GRM8: variants seen among roughly 807,000 people sequenced by gnomAD.
GRM8 encodes the protein glutamate metabotropic receptor 8.
A neutral mutation model predicts 87.2 loss-of-function variants in GRM8; 47 were observed. The ratio of observed to expected loss-of-function variants is 0.54; its 90% CI spans 0.43 to 0.69. GRM8 has a LOEUF of 0.69. Ranked by LOEUF, GRM8 falls within the 30% of genes least tolerant of loss-of-function variation. The pLI, the probability that GRM8 is intolerant of heterozygous loss-of-function variation, is 0.00. For missense variants in GRM8, 1,019 were observed against 1,139.2 expected (o/e 0.89, Z 1.52); for synonymous variants, 396 against 404.5 (o/e 0.98, Z 0.25).
chr7:126,962,917 T>C (rs575170768), intron 3 of GRM8, among the ~76,000 whole-genome samples: 2 of 152,346 alleles, frequency 1.3e-5, no homozygotes, highest in African/African-American at 4.8e-5. Context: ...TTCAATTCTG[T>C]AGTCACCTCT....
chr7:126,906,438 C>T (rs1368964905), intron 3 of GRM8, among the ~76,000 whole-genome samples: 1 of 152,148 alleles, frequency 6.6e-6, no homozygotes, highest in Non-Finnish European at 1.5e-5. Context: ...ACCTCATCCT[C>T]CGGAGTAACT....
At chr7:126,457,587 A>G (rs1803399179) in intron 9 of GRM8, among the ~76,000 whole-genome samples, 1 of 151,460 alleles carries the variant, frequency 6.6e-6, no homozygotes. Context: ...ATTAAACAAT[A>G]CATTTCTAAA....
chr7:126,683,245 T>C (rs775073999), intron 7 of GRM8, among the ~76,000 whole-genome samples: 1 of 152,214 alleles, frequency 6.6e-6, no homozygotes, highest in Non-Finnish European at 1.5e-5. Context: ...TATTGTGGCA[T>C]TAAAAAGTAC....
chr7:126,570,240 CT>C (rs1794582498), intron 8 of GRM8, among the ~76,000 whole-genome samples: 1 of 152,152 alleles, frequency 6.6e-6, no homozygotes, highest in African/African-American at 2.4e-5. Flanking sequence ...ATGTTCTGGC[CT>C]TCTGTAATTT....
intron 1 of GRM8, among the ~76,000 whole-genome samples, chr7:127,248,613 A>C (rs978665370): frequency 2.0e-5 from 3 of 152,214 alleles, no homozygotes; most frequent in Non-Finnish European, 2.9e-5. Context: ...ATTTTCCCCC[A>C]TCTCCCAGTT....
rs1458681174 is a variant in GRM8, at chr7:126,464,872, T to C, written c.2431-18500A>G. Among the ~76,000 whole-genome samples the C allele has an allele frequency of 5.3e-5, 8 of 151,876 alleles. No homozygotes were observed. In the East Asian group the frequency reaches 1.6e-3, roughly 30 times the overall value. ...TTGTCTATGTCTTGAAAAGTTGTTG[T>C]AGTTGTTATTTTTAATCTTCATTTC... On this transcript the variant is annotated intron_variant, in intron 9 of 10. Coordinates refer to ENST00000339582, the MANE Select transcript of GRM8 (RefSeq NM_000845.3).
At position 126,440,539 on chromosome 7, in the gene GRM8, C is replaced by T. The variant is rs149413173; in HGVS notation, c.2678-1371G>A. Among the ~76,000 whole-genome samples, 266 of 151,982 alleles carry T rather than the reference C, an allele frequency of 1.8e-3. 2 individuals are homozygous for T. Among genetic ancestry groups the T allele is most frequent in the African/African-American group, 6.3e-3 (260 of 41,460 alleles). On this transcript the variant is annotated intron_variant, in intron 10 of 10. Transcript: ENST00000339582. ...TACAAGCTCCATTCATAGTAAGTTC[C>T]CTATTTACATGTATACCATTTTTTA...
chr7:126,568,899 A>G (rs1794464378), intron 8 of GRM8, among the ~76,000 whole-genome samples: 1 of 152,120 alleles, frequency 6.6e-6, no homozygotes, highest in African/African-American at 2.4e-5. Flanking sequence ...AAACGTACTG[A>G]GCAACTATAA....
At chr7:126,624,579 A>C (rs1228368353) in intron 7 of GRM8, among the ~76,000 whole-genome samples, 1 of 152,250 alleles carries the variant, frequency 6.6e-6, no homozygotes, top group Non-Finnish European at 1.5e-5. Context: ...TATGCCTGTG[A>C]TTGTGGAAAA....
chr7:126,694,375 T>C (rs1023784178), intron 7 of GRM8, among the ~76,000 whole-genome samples: 30 of 152,312 alleles, frequency 2.0e-4, no homozygotes, highest in Non-Finnish European at 4.1e-4. Flanking sequence ...TCATGTTTAA[T>C]AGTGCATAGA....
At chr7:126,445,815 C>G (rs953609113) in intron 10 of GRM8, among the ~76,000 whole-genome samples, 1 of 151,964 alleles carries the variant, frequency 6.6e-6, no homozygotes, top group Non-Finnish European at 1.5e-5. Context: ...TTTCCAAGTA[C>G]TAAAAGATAA....
intron 7 of GRM8, among the ~76,000 whole-genome samples, chr7:126,620,715 A>AT (rs1420998348): frequency 6.6e-6 from 1 of 152,210 alleles, no homozygotes; most frequent in Non-Finnish European, 1.5e-5. Flanking sequence ...GACAGTGTAT[A>AT]TGACTGGTAC....
intron 3 of GRM8, among the ~76,000 whole-genome samples, chr7:126,941,674 A>AT (rs1358903949): frequency 1.3e-5 from 2 of 151,964 alleles, no homozygotes; most frequent in Non-Finnish European, 2.9e-5. Context: ...AGTTCGTGTC[A>AT]TTTTTTTAAA....
At chr7:126,695,837 A>G (rs989124812) in intron 7 of GRM8, among the ~76,000 whole-genome samples, 1 of 152,192 alleles carries the variant, frequency 6.6e-6, no homozygotes, top group Non-Finnish European at 1.5e-5. Context: ...CGGGGGACAC[A>G]TTAGCACAAA....
At chr7:127,025,932 A>T (rs1816736690) in intron 3 of GRM8, among the ~76,000 whole-genome samples, 2 of 152,078 alleles carry the variant, frequency 1.3e-5, no homozygotes, top group African/African-American at 2.4e-5. Flanking sequence ...TACATGTACC[A>T]TGTTGGTTTG....
chr7:127,038,691 C>T (rs1818078592), intron 3 of GRM8, among the ~76,000 whole-genome samples: 1 of 152,036 alleles, frequency 6.6e-6, no homozygotes, highest in Admixed American at 6.6e-5. Context: ...TAAAAATAAT[C>T]CATTGTAAAA....
chr7:127,099,085 A>C (rs1824969190), intron 3 of GRM8, among the ~76,000 whole-genome samples: 2 of 152,222 alleles, frequency 1.3e-5, no homozygotes, highest in African/African-American at 4.8e-5. Flanking sequence ...GAAGGGAAGG[A>C]ACCTGTCTAA....
intron 8 of GRM8, among the ~76,000 whole-genome samples, chr7:126,577,260 T>C (rs1007791726): frequency 6.6e-6 from 1 of 152,214 alleles, no homozygotes; most frequent in African/African-American, 2.4e-5. Context: ...ATAGCTGACA[T>C]CTTGGGAGAT....
intron 9 of GRM8, among the ~76,000 whole-genome samples, chr7:126,453,120 C>A (rs1340063250): frequency 1.4e-5 from 2 of 147,842 alleles, no homozygotes; most frequent in Middle Eastern, 3.5e-3. Flanking sequence ...CACATACAAG[C>A]AAAATGGTTT....
Sources: allele counts gnomAD v4.1 joint callset (sites outside exome capture counted in the v4.1 genomes callset), GRCh38; gene constraint gnomAD v4.1.1; transcripts MANE v1.5; gene names NCBI Gene and HGNC (gene_info 2026-07-23, HGNC 2026-07-21).